The following TASOR2 variants were observed in gnomAD, a reference collection of about 807,000 sequenced individuals.
TASOR2 encodes the protein protein TASOR 2.
In TASOR2, 84 loss-of-function variants were observed where a neutral mutation model predicts 199.5. The observed-to-expected ratio is 0.42, with a 90% CI of 0.35 to 0.50. The LOEUF (loss-of-function observed/expected upper bound fraction) is 0.50. Ranked by LOEUF, TASOR2 falls within the 20% of genes least tolerant of loss-of-function variation. The pLI, the probability that TASOR2 is intolerant of heterozygous loss-of-function variation, is 0.02. For missense variants in TASOR2, 2,796 were observed against 2,835.9 expected (o/e 0.99, Z 0.32); for synonymous variants, 1,103 against 1,046.6 (o/e 1.05, Z -1.04).
intron 1 of TASOR2, among the ~76,000 whole-genome samples, chr10:5,700,018 A>G (rs1425125549): frequency 6.6e-6 from 1 of 152,148 alleles, no homozygotes; most frequent in Admixed American, 6.5e-5. Flanking sequence ...CAGTCAACCT[A>G]CTGATCTAAC....
In TASOR2 at chr10:5,687,369, C is replaced by G. The variant is rs1467714463; in HGVS notation, c.-288+2194C>G. 1.3e-5 allele frequency among the ~76,000 whole-genome samples: 2 copies of G among 152,146 alleles called. No homozygotes were observed. The highest frequency in any genetic ancestry group is 2.9e-5 in the Non-Finnish European group (2 of 68,040). ...ATATCCTTAACTAGCATTGTTTACT[C>G]TTACCTGTTTTTGAACTTTATTTAA... On this transcript the variant is annotated intron_variant, in intron 1 of 20. Coordinates refer to ENST00000328090, the Ensembl canonical transcript of TASOR2. This position sits in a 1 kb window ranked among gnomAD's most constrained non-coding sequence, Gnocchi z 4.8.
chr10:5,709,809 C>A, intron 1 of TASOR2: 2 of 685,100 alleles, frequency 2.9e-6, no homozygotes, highest in Non-Finnish European at 4.1e-6. Flanking sequence ...TTAAAATAAT[C>A]ATTAGTCCAA....
At position 5,726,866 on chromosome 10, in the gene TASOR2, T is replaced by G. The variant is rs139116475; in HGVS notation, c.352-19T>G. The stretch of plus-strand genomic sequence containing the variant: ...ATTGCAGAATATTCCTTCAGTTGAA[T>G]TTTTCCTTTTTATTTAAGGCAATCA... On this transcript the variant is annotated intron_variant, in intron 8 of 20. Coordinates refer to ENST00000328090, the Ensembl canonical transcript of TASOR2. The G allele has an allele frequency of 1.2e-6, 2 of 1,605,930 alleles. No individual in the cohort carries two copies. Among genetic ancestry groups the G allele is most frequent in the Admixed American group, 3.3e-5 (2 of 60,000 alleles).
rs992018375 is a variant in TASOR2 at position 5,710,644 on chromosome 10, C to T, written c.-287-2179C>T. Among the ~76,000 whole-genome samples the T allele has an allele frequency of 3.3e-5, 5 of 151,976 alleles. No homozygotes were observed. Among genetic ancestry groups the T allele is most frequent in the South Asian group, 4.1e-4 (2 of 4,830 alleles). On this transcript the variant is annotated intron_variant, in intron 1 of 20. Transcript: ENST00000328090. This position sits in a 1 kb window ranked among gnomAD's most constrained non-coding sequence, Gnocchi z 4.6. Reference sequence around the variant, plus strand: ...GCATTATGATGCTCAAAAATGAGGACGTATGTAACTTAAATCTGTGCCTAC... The same window carrying T: ...GCATTATGATGCTCAAAAATGAGGATGTATGTAACTTAAATCTGTGCCTAC...
Position 5,742,485 on chromosome 10 carries a change from A to G in TASOR2, c.2716A>G (p.Thr906Ala), listed in dbSNP as rs1200053521. The change falls in exon 14 of 21, where the codon ACC (threonine) becomes GCC (alanine). Residue 906 changes from threonine to alanine, a missense_variant. Transcript: ENST00000328090. This position sits in a 1 kb window ranked among gnomAD's most constrained non-coding sequence, Gnocchi z 4.2. ...TTTTGCAAGAGAGTGTGATCCAGAC[A>G]CCCAAGAAGACCAGAATTTCATCTG... The G allele has an allele frequency of 1.2e-6, 2 of 1,613,858 alleles. No homozygotes were observed.
intron 2 of TASOR2, chr10:5,713,628 C>T (rs969696951): frequency 6.6e-6 from 1 of 152,116 alleles, no homozygotes; most frequent in Admixed American, 6.6e-5. Flanking sequence ...GAAATTTAAT[C>T]GTCTGAATTC....
At chr10:5,757,416 G>C (rs886729950) in intron 16 of TASOR2, 104 bp from the exon 18 acceptor site, 67 of 1,146,596 alleles carry the variant, frequency 5.8e-5, no homozygotes, top group Non-Finnish European at 7.7e-5. Flanking sequence ...AATATTTTCA[G>C]TTGTTCCTGA....
At chr10:5,712,880 G>T in exon 2 of TASOR2, 1 of 1,231,342 alleles carries the variant, frequency 8.1e-7, no homozygotes, top group South Asian at 4.1e-5. Flanking sequence ...AGAACTTCAA[G>T]ACACTTACGG....
chr10:5,727,993 AG>A (rs1834271445), intron 10 of TASOR2, among the ~76,000 whole-genome samples: 1 of 151,784 alleles, frequency 6.6e-6, no homozygotes, highest in Non-Finnish European at 1.5e-5. Context: ...AGGCCGAGGC[AG>A]GTAGATTTCT....
chr10:5,758,589 C>T (rs1210382898), intron 17 of TASOR2, among the ~76,000 whole-genome samples: 3 of 152,306 alleles, frequency 2.0e-5, no homozygotes, highest in South Asian at 2.1e-4. Flanking sequence ...GCATCGGGGC[C>T]TCCTGCTTCT....
chr10:5,689,934 ACTC>A lies in TASOR2; in HGVS notation c.-288+4760_-288+4762del. On this transcript the variant is annotated intron_variant, in intron 1 of 20. Transcript: ENST00000328090. This position sits in a 1 kb window ranked among gnomAD's most constrained non-coding sequence, Gnocchi z 4.1. ...GGAAGAGGGGGTAGAGTTTTTGACT[ACTC>A]TTTTCATTTTCTTCATCATTATTGG... Among the ~76,000 whole-genome samples the A allele has an allele frequency of 6.6e-6, 1 of 151,300 alleles. No individual in the cohort carries two copies. The highest frequency in any genetic ancestry group is 1.5e-5 in the Non-Finnish European group (1 of 67,772).
rs141982783 is a variant in TASOR2, at chr10:5,762,430, C to T, written c.7175-102C>T. 793 of 380,114 alleles carry T rather than the reference C, an allele frequency of 2.1e-3. 16 individuals carry two copies. The East Asian group carries it at 0.026, about 12-fold the overall frequency. 23.5% of individuals were successfully genotyped at this position (380,114 alleles called of 1,614,324 possible). On this transcript the variant is annotated intron_variant, in intron 19 of 20. Coordinates refer to ENST00000328090, the Ensembl canonical transcript of TASOR2. ...ACCTTTTCTCCCCCTACCCCTCACA[C>T]GAGGAAGTTCCACAGATTTTTTAAA...
In TASOR2 at chr10:5,689,053, A is replaced by G. The variant is rs1050398307; in HGVS notation, c.-288+3878A>G. On this transcript the variant is annotated intron_variant, in intron 1 of 20. Transcript: ENST00000328090. The surrounding 1 kb of genome is among the most constrained non-coding windows in gnomAD (Gnocchi z 4.1). ...GGCTTTTATTGAAGATCTATTGATG[A>G]TGAACACTCAGTTTTTGTTCACCTG... Among the ~76,000 whole-genome samples the G allele has an allele frequency of 2.0e-5, 3 of 152,110 alleles. No individual in the cohort carries two copies. Among genetic ancestry groups the G allele is most frequent in the Non-Finnish European group, 4.4e-5 (3 of 68,024 alleles).
chr10:5,741,991 TAAAAAC>T (rs1564333613), intron 13 of TASOR2, 100 bp from the exon 15 acceptor site: 5 of 1,078,304 alleles, frequency 4.6e-6, no homozygotes, highest in African/African-American at 3.2e-5. Context: ...ATTTTAAAAA[TAAAAAC>T]AAAAACTAAG....
chr10:5,700,228 A>ATTT (rs1472322058), intron 1 of TASOR2, among the ~76,000 whole-genome samples: 22 of 152,252 alleles, frequency 1.4e-4, no homozygotes, highest in African/African-American at 4.1e-4. Context: ...ACTTAACATA[A>ATTT]AGACCTACAG....
exon 15 of TASOR2, chr10:5,749,149 C>T (rs375319364): frequency 2.2e-5 from 32 of 1,439,102 alleles, no homozygotes; most frequent in Non-Finnish European, 2.8e-5. Flanking sequence ...GAAGTGTGTG[C>T]CGCCTTACGT....
At chr10:5,707,592 C>T (rs1838793609) in intron 1 of TASOR2, among the ~76,000 whole-genome samples, 1 of 151,966 alleles carries the variant, frequency 6.6e-6, no homozygotes, top group South Asian at 2.1e-4. Context: ...CTAAAACAAA[C>T]ACTATTCAAA....
chr10:5,695,315 A>C (rs943898467), intron 1 of TASOR2, among the ~76,000 whole-genome samples: 1 of 152,238 alleles, frequency 6.6e-6, no homozygotes, highest in African/African-American at 2.4e-5. Context: ...ATTATAAATC[A>C]TGCAAGAAAA....
At chr10:5,723,331 C>T (rs1833631695) in intron 6 of TASOR2, among the ~76,000 whole-genome samples, 1 of 152,060 alleles carries the variant, frequency 6.6e-6, no homozygotes, top group African/African-American at 2.4e-5. Context: ...GCTGGGATTA[C>T]AGGCGTGAGC....
Sources: gnomAD v4.1 joint callset for allele counts (sites outside exome capture counted in the v4.1 genomes callset) on GRCh38, gnomAD v4.1.1 for gene constraint, Gnocchi (gnomAD v3.1) non-coding constraint, MANE v1.5 for transcripts, NCBI Gene and HGNC (gene_info 2026-07-23, HGNC 2026-07-21) for gene names.